The following ZHX3 variants were observed in gnomAD, a reference collection of about 807,000 sequenced individuals.
ZHX3 encodes the protein zinc fingers and homeoboxes 3, also known as zinc fingers and homeoboxes protein 3.
In ZHX3, 20 loss-of-function variants were observed where a neutral mutation model predicts 64.5. That is an observed-to-expected ratio of 0.31 (90% CI 0.22 to 0.45). The LOEUF is 0.45. ZHX3 is among the 20% of genes least tolerant of loss of function. The pLI, the probability that ZHX3 is intolerant of heterozygous loss-of-function variation, is 1.00. For synonymous variants in ZHX3, 423 were observed against 461.6 expected (o/e 0.92, Z 1.07); for missense variants, 1,041 against 1,195.8 (o/e 0.87, Z 1.91).
intron 2 of ZHX3, among the ~76,000 whole-genome samples, chr20:41,213,170 T>C (rs1400040662): frequency 1.3e-5 from 2 of 152,104 alleles, no homozygotes; most frequent in East Asian, 1.9e-4. Flanking sequence ...TAGAGGCAGA[T>C]AGTAGATTAG....
At chr20:41,223,817 G>T (rs2146345543) in intron 2 of ZHX3, among the ~76,000 whole-genome samples, 1 of 152,344 alleles carries the variant, frequency 6.6e-6, no homozygotes, top group East Asian at 1.9e-4. Context: ...TAACAAGTGA[G>T]AAAGTGAGAA....
intron 1 of ZHX3, among the ~76,000 whole-genome samples, chr20:41,294,080 C>A (rs1414090711): frequency 6.6e-6 from 1 of 152,060 alleles, no homozygotes; most frequent in Non-Finnish European, 1.5e-5. Context: ...TTCCGAGGCT[C>A]CCCAGGGCTG....
intron 2 of ZHX3, among the ~76,000 whole-genome samples, chr20:41,213,003 A>G (rs538673608): frequency 3.3e-5 from 5 of 152,302 alleles, no homozygotes; most frequent in Admixed American, 3.3e-4. Flanking sequence ...AAAATATGAT[A>G]TATCCATACG....
At chr20:41,187,013 G>A (rs1425249927) in intron 3 of ZHX3, among the ~76,000 whole-genome samples, 2 of 151,954 alleles carry the variant, frequency 1.3e-5, no homozygotes, top group Non-Finnish European at 2.9e-5. Flanking sequence ...CCTATGCTTT[G>A]AGTGTCATAC....
chr20:41,307,308 G>A (rs2045008690), intron 1 of ZHX3, among the ~76,000 whole-genome samples: 1 of 152,202 alleles, frequency 6.6e-6, no homozygotes, highest in Non-Finnish European at 1.5e-5. Flanking sequence ...CCAGAAATGA[G>A]ATGGTGAGTA....
rs574879850 is a variant in ZHX3, at chr20:41,289,508, G to A, written c.-244-20425C>T. On this transcript the variant is annotated intron_variant, in intron 1 of 3. Transcript: ENST00000683867. Reference sequence around the variant, plus strand: ...AAAGTGCTAGTTACATTATTGCACTGGTTACAGAGTAGTGTCTCCCTCAGT... The same window carrying A: ...AAAGTGCTAGTTACATTATTGCACTAGTTACAGAGTAGTGTCTCCCTCAGT... 2.6e-5 allele frequency among the ~76,000 whole-genome samples: 4 copies of A among 152,108 alleles called. No individual in the cohort carries two copies. The East Asian group carries it at 7.7e-4, about 29-fold the overall frequency.
In ZHX3 at chr20:41,200,770, T is replaced by C. The variant is rs1448860977; in HGVS notation, c.2860+1287A>G. On this transcript the variant is annotated intron_variant, in intron 3 of 3. Transcript: ENST00000683867. The surrounding 1 kb of genome is among the most constrained non-coding windows in gnomAD (Gnocchi z 4.2). ...TTTCTGCAAATGCTAAACAGATGGA[T>C]GACATGGTACTCCCCGCCCCCAACC... Among the ~76,000 whole-genome samples, 1 of 152,186 alleles carries C rather than the reference T, an allele frequency of 6.6e-6. No homozygotes were observed. Among genetic ancestry groups the C allele is most frequent in the African/African-American group, 2.4e-5 (1 of 41,434 alleles).
intron 1 of ZHX3, chr20:41,272,114 G>A (rs1258222425): frequency 6.6e-6 from 1 of 152,036 alleles, no homozygotes; most frequent in East Asian, 1.9e-4. Context: ...AAACAACCCA[G>A]ACCCACTCAA....
chr20:41,220,487 CTCTA>C (rs1046928369), intron 2 of ZHX3, among the ~76,000 whole-genome samples: 4 of 152,130 alleles, frequency 2.6e-5, no homozygotes, highest in African/African-American at 9.7e-5. Context: ...CTTCCAAAGC[CTCTA>C]TCTAACTTTA....
At chr20:41,291,222 G>A (rs2044221450) in intron 1 of ZHX3, among the ~76,000 whole-genome samples, 2 of 152,146 alleles carry the variant, frequency 1.3e-5, no homozygotes, top group African/African-American at 4.8e-5. Context: ...CGAAAGAGAA[G>A]CTGCATAAAT....
Position 41,203,722 on chromosome 20 carries a change from C to A in ZHX3, c.1195G>T (p.Ala399Ser), listed in dbSNP as rs751547440. 8 of 1,614,192 alleles carry A rather than the reference C, an allele frequency of 5.0e-6. 1 individual carries two copies. The South Asian group carries it at 7.7e-5, about 16-fold the overall frequency. Residue 399 changes from alanine (A) to serine (S), a missense_variant, in exon 3 of 4, where the codon GCT (alanine) becomes TCT (serine). This residue lies in a region of ZHX3 where 649 missense variants were observed against 739.8 expected (regional missense o/e 0.88). Coordinates refer to ENST00000683867, the MANE Select transcript of ZHX3 (RefSeq NM_001384317.1). The surrounding 1 kb of genome is among the most constrained non-coding windows in gnomAD (Gnocchi z 7.1). ...TVLNTPLVAS[A>S]GNVQHLIQAA... ...TGGATGAGATGCTGGACATTGCCAG[C>A]ACTGGCGACGAGTGGGGTATTTAGA...
intron 1 of ZHX3, among the ~76,000 whole-genome samples, chr20:41,282,461 C>T (rs1404753607): frequency 7.6e-5 from 11 of 143,820 alleles, no homozygotes; most frequent in Admixed American, 3.7e-4. Context: ...AGGGTTCAAG[C>T]GACTCTCCTG....
At chr20:41,301,516 A>T (rs2044804561) in intron 1 of ZHX3, among the ~76,000 whole-genome samples, 1 of 152,074 alleles carries the variant, frequency 6.6e-6, no homozygotes, top group South Asian at 2.1e-4. Flanking sequence ...CCTTGAATTC[A>T]TTAAGAACAG....
chr20:41,248,641 A>G (rs1382164822), intron 2 of ZHX3, among the ~76,000 whole-genome samples: 1 of 152,248 alleles, frequency 6.6e-6, no homozygotes, highest in East Asian at 1.9e-4. Flanking sequence ...ACATTGACCT[A>G]AAGCCCATGG....
At chr20:41,301,462 C>A (rs2044801179) in intron 1 of ZHX3, among the ~76,000 whole-genome samples, 1 of 152,162 alleles carries the variant, frequency 6.6e-6, no homozygotes, top group Non-Finnish European at 1.5e-5. Context: ...TTCTCATACA[C>A]CTCTCCTCCT....
In ZHX3 at chr20:41,184,400, T is replaced by A. The variant is rs377742780; in HGVS notation, c.*791A>T. 6.5e-6 allele frequency: 1 copy of A among 154,270 alleles called. No individual in the cohort carries two copies. The highest frequency in any genetic ancestry group is 1.9e-4 in the East Asian group (1 of 5,224). 9.6% of individuals were successfully genotyped at this position (154,270 alleles called of 1,614,324 possible). A position where few individuals can be genotyped will look rare whatever the true frequency, so the allele number is the denominator to read the frequency against. ...TAACAACAAATGTTTCTTTAGTTGATCTGATAACTGAAAAGTTATGGTCCA... is the reference window on the plus strand; with the variant it reads ...TAACAACAAATGTTTCTTTAGTTGAACTGATAACTGAAAAGTTATGGTCCA... On this transcript the variant is annotated 3_prime_UTR_variant, in exon 4 of 4. Transcript: ENST00000683867.
At chr20:41,309,807 C>T (rs1037215787) in intron 1 of ZHX3, among the ~76,000 whole-genome samples, 14 of 152,222 alleles carry the variant, frequency 9.2e-5, no homozygotes, top group African/African-American at 3.4e-4. Flanking sequence ...TCTGACCACA[C>T]AGATGGCTGA....
chr20:41,187,488 T>G (rs2036620185), intron 3 of ZHX3, among the ~76,000 whole-genome samples: 1 of 152,218 alleles, frequency 6.6e-6, no homozygotes, highest in Non-Finnish European at 1.5e-5. Context: ...TTCATACTTT[T>G]GCATGTATAT....
intron 3 of ZHX3, chr20:41,197,037 C>G (rs890750869): frequency 1.4e-5 from 3 of 208,388 alleles, no homozygotes; most frequent in African/African-American, 4.6e-5. Context: ...TGAAGCAGCT[C>G]TATGACACTG....
Sources: allele counts gnomAD v4.1 joint callset (sites outside exome capture counted in the v4.1 genomes callset), GRCh38; gene constraint gnomAD v4.1.1; regional missense constraint gnomAD v4.1.1; non-coding constraint Gnocchi (gnomAD v3.1); transcripts MANE v1.5; gene names NCBI Gene and HGNC (gene_info 2026-07-23, HGNC 2026-07-21).